Variants in PKHD1 observed in about 807,000 individuals in gnomAD.
PKHD1 encodes the protein PKHD1 ciliary IPT domain containing fibrocystin/polyductin.
In PKHD1, 291 loss-of-function variants were observed where a neutral mutation model predicts 412.0. The observed-to-expected ratio is 0.71, with a 90% confidence interval of 0.64 to 0.78. The LOEUF is 0.78. Ranked by LOEUF, PKHD1 falls within the 30% of genes least tolerant of loss-of-function variation. The pLI is 0.00. For synonymous variants in PKHD1, 1,777 were observed against 1,821.5 expected (o/e 0.98, Z 0.62); for missense variants, 4,825 against 4,950.7 (o/e 0.97, Z 0.76).
Position 52,025,374 on chromosome 6 carries a change from A to G in PKHD1, c.4436T>C (p.Phe1479Ser), listed in dbSNP as rs1801998420. 2.5e-6 allele frequency: 4 copies of G among 1,612,970 alleles called. No homozygotes were observed. The African/African-American group carries it at 4.0e-5, about 16-fold the overall frequency. Reference protein sequence around the residue: ...TSECQGNCTLFIREEASPVMD... With the variant: ...TSECQGNCTLSIREEASPVMD... ...GACAGGACTTGCCTCTTCCCTTATG[A>G]AAAGAGTGCAATTCCCCTGACACTC... Residue 1479 changes from phenylalanine to serine, a missense_variant, in exon 32 of 67, where the codon TTC (phenylalanine) becomes TCC (serine). Phe to Ser is a radical substitution (Grantham distance 155). Transcript: ENST00000371117.
intron 28 of PKHD1, among the ~76,000 whole-genome samples, chr6:52,034,728 T>C (rs566838093): frequency 2.5e-4 from 38 of 152,306 alleles, no homozygotes; most frequent in African/African-American, 9.1e-4. Context: ...ATAAGAAACA[T>C]TTAGAAATTA....
chr6:51,753,453 C>T (rs973650366), intron 56 of PKHD1, 100 bp from the exon 57 acceptor site: 23 of 949,516 alleles, frequency 2.4e-5, no homozygotes, highest in African/African-American at 4.9e-5. Flanking sequence ...AACATCCTTT[C>T]CCCTCAGAAG....
At chr6:51,841,658 G>C (rs1327693026) in intron 50 of PKHD1, among the ~76,000 whole-genome samples, 1 of 152,156 alleles carries the variant, frequency 6.6e-6, no homozygotes, top group Non-Finnish European at 1.5e-5. Context: ...TGCCTTAGAG[G>C]GGCTCAGCAT....
chr6:51,950,946 A>G lies in PKHD1; in HGVS notation c.5908+8924T>C, dbSNP rs181347376. 1.6e-3 allele frequency among the ~76,000 whole-genome samples: 244 copies of G among 152,308 alleles called. 3 individuals are homozygous for G. Among genetic ancestry groups the G allele is most frequent in the African/African-American group, 5.3e-3 (222 of 41,566 alleles). On this transcript the variant is annotated intron_variant, in intron 36 of 66. Transcript: ENST00000371117. ...GTTTTAGTGAATTGTCCCACTTTAG[A>G]GATGACTATAAGAGAATATAAAGAC...
intron 52 of PKHD1, among the ~76,000 whole-genome samples, chr6:51,798,523 G>A (rs1329033410): frequency 6.6e-6 from 1 of 152,120 alleles, no homozygotes. Context: ...CCTTTTGTAG[G>A]TCACCTAGCC....
chr6:51,867,751 G>C, intron 48 of PKHD1, 112 bp downstream of exon 48: 1 of 1,013,140 alleles, frequency 9.9e-7, no homozygotes, highest in Non-Finnish European at 1.5e-6. Flanking sequence ...CTTCTTTAGA[G>C]CTAAATACTT....
chr6:52,074,347 C>T (rs773771064), intron 6 of PKHD1, among the ~76,000 whole-genome samples: 21 of 152,126 alleles, frequency 1.4e-4, no homozygotes, highest in African/African-American at 3.9e-4. Context: ...AGAAATCTTT[C>T]GGAAGGTATT....
intron 37 of PKHD1, among the ~76,000 whole-genome samples, chr6:51,925,745 G>T (rs1785481089): frequency 6.6e-6 from 1 of 151,842 alleles, no homozygotes; most frequent in East Asian, 1.9e-4. Flanking sequence ...CTTTGGACTT[G>T]GACTCTCTAT....
chr6:51,714,898 T>C (rs1330718296), intron 60 of PKHD1, among the ~76,000 whole-genome samples: 1 of 152,166 alleles, frequency 6.6e-6, no homozygotes, highest in East Asian at 1.9e-4. Flanking sequence ...TTTTAGCATC[T>C]GAGTTCTGGC....
At chr6:51,629,624 C>T (rs1344003764) in intron 65 of PKHD1, among the ~76,000 whole-genome samples, 1 of 151,996 alleles carries the variant, frequency 6.6e-6, no homozygotes, top group African/African-American at 2.4e-5. Context: ...GCCAATTTTA[C>T]TTAAGAATAT....
intron 52 of PKHD1, among the ~76,000 whole-genome samples, chr6:51,816,322 A>G (rs1368107190): frequency 7.3e-6 from 1 of 137,004 alleles, no homozygotes; most frequent in African/African-American, 2.7e-5. Flanking sequence ...GACAGCTAAG[A>G]CAGATCTACA....
At position 51,659,380 on chromosome 6, in the gene PKHD1, T is replaced by C. The variant is rs886038724; in HGVS notation, c.10746A>G (p.Glu3582=). Residue 3582 remains glutamate (E), a synonymous_variant, in exon 61 of 67, where the codon GAA becomes GAG. Coordinates refer to ENST00000371117, the MANE Select transcript of PKHD1 (RefSeq NM_138694.4). ...CAATCTGTAAGAAGTTAGTTAGTCT[T>C]TCGAGTATTACTATTTCCCAGCCTT... ...LEKGWEIVIL[E]RLTNFLQIGQ... is the part of the protein sequence containing the mutation. The C allele has an allele frequency of 1.2e-6, 2 of 1,613,774 alleles. No individual in the cohort carries two copies. Among genetic ancestry groups the C allele is most frequent in the Non-Finnish European group, 8.5e-7 (1 of 1,179,878 alleles).
At chr6:52,076,365 G>A (rs954940788) in intron 5 of PKHD1, 32 bp from the exon 6 acceptor site, 1 of 1,552,790 alleles carries the variant, frequency 6.4e-7, no homozygotes, top group Non-Finnish European at 8.9e-7. Flanking sequence ...AAGTGAGCAT[G>A]TCATTAAAAT....
Position 52,043,737 on chromosome 6 carries a change from T to A in PKHD1, c.2716-7A>T. 1 of 1,609,204 alleles carries A rather than the reference T, an allele frequency of 6.2e-7. No homozygotes were observed. Among genetic ancestry groups the A allele is most frequent in the African/African-American group, 1.3e-5 (1 of 74,908 alleles). On this transcript the variant is annotated splice_polypyrimidine_tract_variant and splice_region_variant and intron_variant, in intron 25 of 66. Transcript: ENST00000371117. ...CATTCACTCGCACAACCACCTGAAA[T>A]GAGGCAAAATTTCTTTTCCATTTTA...
intron 19 of PKHD1, 50 bp downstream of exon 19, chr6:52,055,537 A>G (rs1562244929): frequency 1.3e-6 from 2 of 1,599,792 alleles, no homozygotes; most frequent in Admixed American, 1.7e-5. Flanking sequence ...TCCAGAGAGC[A>G]ATACCAATAC....
At chr6:52,015,289 G>A (rs1048506748) in intron 34 of PKHD1, among the ~76,000 whole-genome samples, 1 of 152,118 alleles carries the variant, frequency 6.6e-6, no homozygotes, top group African/African-American at 2.4e-5. Context: ...CAAAGAACAT[G>A]ATTGTTATAA....
chr6:51,824,143 G>A (rs1201557852), intron 52 of PKHD1, among the ~76,000 whole-genome samples: 1 of 151,940 alleles, frequency 6.6e-6, no homozygotes, highest in Admixed American at 6.6e-5. Flanking sequence ...AGTTGGATTA[G>A]AAAGCCACTA....
chr6:51,775,737 T>C (rs1790909776), intron 54 of PKHD1, 71 bp downstream of exon 54: 1 of 786,170 alleles, frequency 1.3e-6, no homozygotes, highest in Admixed American at 1.8e-5. Context: ...ATAGTATTTC[T>C]CTATCAGACA....
At chr6:52,066,121 A>T (rs1809667405) in intron 11 of PKHD1, 44 bp from the exon 12 acceptor site, 3 of 870,830 alleles carry the variant, frequency 3.4e-6, no homozygotes, top group Non-Finnish European at 5.8e-6. Context: ...CCAAATATAG[A>T]CCAGAATATG....
Sources: allele counts gnomAD v4.1 joint callset (sites outside exome capture counted in the v4.1 genomes callset), GRCh38; gene constraint gnomAD v4.1.1; transcripts MANE v1.5; gene names NCBI Gene and HGNC (gene_info 2026-07-23, HGNC 2026-07-21).